Variants in TTC28 observed in about 807,000 individuals in gnomAD.
The protein encoded by TTC28 is tetratricopeptide repeat protein 28.
Under a neutral mutation model 198.0 loss-of-function variants are expected in TTC28, and 61 were observed. That is an observed-to-expected ratio of 0.31 (90% CI 0.25 to 0.38). TTC28 has a LOEUF of 0.38. Ranked by LOEUF, TTC28 falls within the 10% of genes least tolerant of loss-of-function variation. TTC28 has a pLI of 1.00. For synonymous variants in TTC28, 1,171 were observed against 1,297.8 expected (o/e 0.90, Z 2.10); for missense variants, 2,678 against 3,164.0 (o/e 0.85, Z 3.69).
intron 12 of TTC28, among the ~76,000 whole-genome samples, chr22:28,062,446 T>C (rs897786745): frequency 2.7e-4 from 39 of 147,096 alleles, no homozygotes; most frequent in African/African-American, 9.5e-4. Flanking sequence ...ATTATTTGAA[T>C]ATTTTCTAGA....
intron 2 of TTC28, among the ~76,000 whole-genome samples, chr22:28,315,438 T>G (rs1041486484): frequency 6.6e-6 from 1 of 152,202 alleles, no homozygotes; most frequent in African/African-American, 2.4e-5. Context: ...AGATTCCTCC[T>G]TGTTATCATG....
intron 2 of TTC28, among the ~76,000 whole-genome samples, chr22:28,371,194 G>T (rs1180565618): frequency 2.6e-5 from 4 of 151,826 alleles, no homozygotes; most frequent in Non-Finnish European, 5.9e-5. Flanking sequence ...AGAACCATTT[G>T]TTTCCATACA....
chr22:28,236,006 G>A lies in TTC28; in HGVS notation c.933+60192C>T, dbSNP rs1929217764. 2.0e-5 allele frequency among the ~76,000 whole-genome samples: 3 copies of A among 152,216 alleles called. No individual in the cohort carries two copies. The South Asian group carries it at 6.2e-4, about 32-fold the overall frequency. On this transcript the variant is annotated intron_variant, in intron 5 of 22. Transcript: ENST00000397906. The stretch of plus-strand genomic sequence containing the variant: ...TGACTAATGTGATGGTGCCTGGTAA[G>A]TTCCAGTTTTTCATCTTTCTCCAGG...
intron 5 of TTC28, among the ~76,000 whole-genome samples, chr22:28,259,347 T>C (rs1401245937): frequency 1.3e-5 from 2 of 152,060 alleles, no homozygotes; most frequent in African/African-American, 4.8e-5. Context: ...AAAAACCAAA[T>C]AGTGTATACA....
At chr22:28,597,384 T>C (rs2050558880) in intron 2 of TTC28, among the ~76,000 whole-genome samples, 1 of 152,198 alleles carries the variant, frequency 6.6e-6, no homozygotes, top group Admixed American at 6.5e-5. Context: ...ACTTTCTATA[T>C]AACTCTCTGT....
chr22:28,422,142 T>C (rs1188205371), intron 2 of TTC28, among the ~76,000 whole-genome samples: 1 of 152,118 alleles, frequency 6.6e-6, no homozygotes, highest in African/African-American at 2.4e-5. Context: ...GAGCACAAAA[T>C]GTTATACTCA....
At chr22:28,092,438 C>T (rs1348858749) in intron 12 of TTC28, among the ~76,000 whole-genome samples, 1 of 152,148 alleles carries the variant, frequency 6.6e-6, no homozygotes, top group Admixed American at 6.5e-5. Context: ...CGACTGCATG[C>T]CCACCATGGG....
intron 2 of TTC28, among the ~76,000 whole-genome samples, chr22:28,506,452 A>G (rs558912474): frequency 6.6e-6 from 1 of 151,898 alleles, no homozygotes; most frequent in South Asian, 2.1e-4. Context: ...CTGCCATCTC[A>G]GTGGTTCGGT....
intron 2 of TTC28, among the ~76,000 whole-genome samples, chr22:28,568,875 G>A (rs529745798): frequency 8.5e-5 from 13 of 152,108 alleles, no homozygotes; most frequent in South Asian, 6.2e-4. Flanking sequence ...GGCCAGGCAC[G>A]GTGACTTACG....
At chr22:28,377,672 A>G (rs2046432646) in intron 2 of TTC28, among the ~76,000 whole-genome samples, 1 of 152,202 alleles carries the variant, frequency 6.6e-6, no homozygotes, top group Non-Finnish European at 1.5e-5. Context: ...TCTGGTCCTA[A>G]CAAACATTAA....
At chr22:28,126,096 T>C (rs141930145) in intron 6 of TTC28, among the ~76,000 whole-genome samples, 216 of 152,298 alleles carry the variant, frequency 1.4e-3, no homozygotes, top group African/African-American at 4.7e-3. Context: ...CTAGAGAGGA[T>C]TGGAGAGGAC....
At chr22:28,205,308 T>C (rs1926309375) in intron 5 of TTC28, among the ~76,000 whole-genome samples, 2 of 152,092 alleles carry the variant, frequency 1.3e-5, no homozygotes, top group South Asian at 4.1e-4. Flanking sequence ...TTTTTCCTTA[T>C]AAATATCCTC....
At chr22:28,315,673 G>T (rs1023826774) in intron 2 of TTC28, among the ~76,000 whole-genome samples, 1 of 151,990 alleles carries the variant, frequency 6.6e-6, no homozygotes, top group African/African-American at 2.4e-5. Context: ...TTCCACCTTT[G>T]TAAAAAAATC....
intron 5 of TTC28, among the ~76,000 whole-genome samples, chr22:28,285,462 A>G (rs990509498): frequency 1.3e-5 from 2 of 152,154 alleles, no homozygotes; most frequent in African/African-American, 4.8e-5. Context: ...GTTATAAGAC[A>G]AATAAGTTCT....
intron 2 of TTC28, among the ~76,000 whole-genome samples, chr22:28,361,403 C>G (rs2046157158): frequency 6.6e-6 from 1 of 152,110 alleles, no homozygotes; most frequent in Admixed American, 6.6e-5. Context: ...GAGATCAAAC[C>G]AGCCACAACA....
At chr22:28,245,077 T>C (rs1311294705) in intron 5 of TTC28, among the ~76,000 whole-genome samples, 1 of 152,188 alleles carries the variant, frequency 6.6e-6, no homozygotes, top group Admixed American at 6.5e-5. Flanking sequence ...TGTGGAGAGA[T>C]AAAGCAGAGC....
At chr22:28,352,667 C>T (rs2046017795) in intron 2 of TTC28, among the ~76,000 whole-genome samples, 1 of 152,032 alleles carries the variant, frequency 6.6e-6, no homozygotes, top group Non-Finnish European at 1.5e-5. Context: ...AGGCTTCATG[C>T]AAGCTGCTTG....
intron 2 of TTC28, among the ~76,000 whole-genome samples, chr22:28,446,846 T>C (rs1012215881): frequency 2.6e-5 from 4 of 152,188 alleles, no homozygotes; most frequent in African/African-American, 4.8e-5. Flanking sequence ...ATGCAGAGCA[T>C]TGAAGCTATA....
At chr22:28,361,209 C>A (rs2046153258) in intron 2 of TTC28, among the ~76,000 whole-genome samples, 1 of 152,184 alleles carries the variant, frequency 6.6e-6, no homozygotes. Context: ...GAAGGCAGGT[C>A]AAAAGCTGAG....
Sources: gnomAD v4.1 joint callset for allele counts (sites outside exome capture counted in the v4.1 genomes callset) on GRCh38, gnomAD v4.1.1 for gene constraint, MANE v1.5 for transcripts, NCBI Gene and HGNC (gene_info 2026-07-23, HGNC 2026-07-21) for gene names.